STARD9: variants seen among roughly 807,000 people sequenced by gnomAD.
STARD9 encodes StAR related lipid transfer domain containing 9.
In STARD9, 346 loss-of-function variants were observed where a neutral mutation model predicts 399.8. The observed-to-expected ratio is 0.87, with a 90% CI of 0.79 to 0.95. STARD9 has a LOEUF of 0.95. STARD9 is among the 40% of genes least tolerant of loss of function. The pLI, the probability that STARD9 is intolerant of heterozygous loss-of-function variation, is 0.00. For missense variants in STARD9, 5,832 were observed against 5,667.5 expected (o/e 1.03, Z -0.93); for synonymous variants, 2,203 against 2,143.5 (o/e 1.03, Z -0.77).
rs1307284731 is a variant in STARD9, at chr15:42,666,783, A to G, written c.1317+935A>G. ...GGACAAGACATTTTGGAAAAGTAGA[A>G]TAAATGGTGATTCCCAGAGACATTT... On this transcript the variant is annotated intron_variant, in intron 15 of 32. Transcript: ENST00000290607. Among the ~76,000 whole-genome samples, 8 of 152,266 alleles carry G rather than the reference A, an allele frequency of 5.3e-5. 1 individual carries two copies. In the South Asian group the frequency reaches 1.0e-3, roughly 20 times the overall value.
Position 42,695,238 on chromosome 15 carries a change from T to A in STARD9, c.13061T>A (p.Ile4354Asn), listed in dbSNP as rs1168623951. 3 of 1,537,014 alleles carry A rather than the reference T, an allele frequency of 2.0e-6. No homozygotes were observed. In the African/African-American group the frequency reaches 4.1e-5, roughly 21 times the overall value. The change falls in exon 25 of 33, where the codon ATT becomes AAT. Residue 4354 changes from isoleucine to asparagine, a missense_variant. Physicochemically the swap from Ile to Asn is moderately radical, Grantham distance 149. Around this residue, in one of 2 missense-constraint regions of STARD9, gnomAD observed 5,828 missense variants for 5,651.1 expected, o/e 1.03. Transcript: ENST00000290607. The part of the protein sequence containing the change: ...QQAHEEAKVE[I>N]ARARDQLRER... ...GCCCATGAGGAGGCCAAGGTGGAGA[T>A]TGCCCGGGCCCGAGACCAACTGCGG... is the stretch of plus-strand genomic sequence containing the variant.
At chr15:42,666,175 A>C (rs866715681) in intron 15 of STARD9, among the ~76,000 whole-genome samples, 2 of 152,212 alleles carry the variant, frequency 1.3e-5, no homozygotes, top group African/African-American at 4.8e-5. Context: ...GCTCAGCATG[A>C]TGCTGCAAGA....
intron 3 of STARD9, among the ~76,000 whole-genome samples, chr15:42,602,550 G>T (rs969214963): frequency 2.6e-5 from 4 of 152,210 alleles, no homozygotes; most frequent in Non-Finnish European, 4.4e-5. Flanking sequence ...GAATCTCCTT[G>T]GGTGCAAATA....
rs371559612 is a variant in STARD9, at chr15:42,708,501, G to C, written c.13285-8176G>C. ...TCTAGCTCCCCACAGAAAAAGTTTT[G>C]CCAGCCTTTGGTTTAGATATTTCAT... On this transcript the variant is annotated intron_variant, in intron 26 of 32. Coordinates refer to ENST00000290607, the MANE Select transcript of STARD9 (RefSeq NM_020759.3). 3.9e-5 allele frequency among the ~76,000 whole-genome samples: 6 copies of C among 152,236 alleles called. No homozygotes were observed. The East Asian group carries it at 1.2e-3, about 29-fold the overall frequency.
intron 26 of STARD9, among the ~76,000 whole-genome samples, chr15:42,699,434 G>GC (rs1280797237): frequency 1.9e-4 from 24 of 124,408 alleles, no homozygotes; most frequent in Admixed American, 1.6e-3. Context: ...TTGCTCTGTC[G>GC]CCAGGCTGGA....
At chr15:42,651,137 G>A in intron 8 of STARD9, 52 bp downstream of exon 8, 1 of 1,309,134 alleles carries the variant, frequency 7.6e-7, no homozygotes, top group South Asian at 1.3e-5. Context: ...CTCCTATCCT[G>A]TGTTCCCATT....
intron 7 of STARD9, among the ~76,000 whole-genome samples, chr15:42,643,496 C>T (rs760570332): frequency 1.6e-4 from 24 of 150,956 alleles, no homozygotes; most frequent in Non-Finnish European, 3.2e-4. Flanking sequence ...GTGCCCGGCC[C>T]CTCGTTCTTT....
chr15:42,580,085 TAC>T (rs1158765412), intron 1 of STARD9, among the ~76,000 whole-genome samples: 2 of 152,174 alleles, frequency 1.3e-5, no homozygotes, highest in Non-Finnish European at 2.9e-5. Context: ...TCTTCTGATG[TAC>T]AGAGTTAAAA....
At chr15:42,650,697 A>G (rs148382999) in intron 7 of STARD9, among the ~76,000 whole-genome samples, 1,813 of 152,312 alleles carry the variant, frequency 0.012, 136 homozygotes, top group Admixed American at 0.11. Context: ...TGTGAGGGCC[A>G]AATGAGAACA....
At chr15:42,669,616 TC>T (rs1379841882) in intron 16 of STARD9, 6 of 298,388 alleles carry the variant, frequency 2.0e-5, no homozygotes, top group African/African-American at 1.0e-4. Flanking sequence ...TGCCTTAATT[TC>T]CTCATTTTAA....
At chr15:42,641,706 G>A (rs1413426520) in intron 7 of STARD9, among the ~76,000 whole-genome samples, 2 of 151,926 alleles carry the variant, frequency 1.3e-5, no homozygotes, top group Non-Finnish European at 2.9e-5. Flanking sequence ...CCAGGTTCAA[G>A]CGATTCTCCT....
Position 42,665,237 on chromosome 15 carries a change from G to C in STARD9, c.1177-16G>C, listed in dbSNP as rs1443783562. On this transcript the variant is annotated splice_polypyrimidine_tract_variant and intron_variant, in intron 13 of 32. Transcript: ENST00000290607. ...CTTGATAACAATCAGTGGTGATGGA[G>C]TTCTCTGTGTTTCAGGATGCAAACT... is the stretch of plus-strand genomic sequence containing the variant. 4 of 1,533,238 alleles carry C rather than the reference G, an allele frequency of 2.6e-6. No homozygotes were observed. In the Admixed American group the frequency reaches 5.9e-5, roughly 23 times the overall value. The allele number at this position is 1,533,238 out of a possible 1,614,324, so 95.0% of individuals were successfully genotyped here.
chr15:42,702,215 G>GT (rs1238778601), intron 26 of STARD9, among the ~76,000 whole-genome samples: 1 of 151,938 alleles, frequency 6.6e-6, no homozygotes, highest in Non-Finnish European at 1.5e-5. Flanking sequence ...TTGTTTGTTT[G>GT]TTTTTTTAGT....
intron 22 of STARD9, among the ~76,000 whole-genome samples, chr15:42,683,013 C>T (rs2140214359): frequency 6.6e-6 from 1 of 152,364 alleles, no homozygotes; most frequent in East Asian, 1.9e-4. Flanking sequence ...CCACCTCCCA[C>T]CTGGTGACTG....
Position 42,692,825 on chromosome 15 carries a change from T to A in STARD9, c.11247T>A (p.Thr3749=), listed in dbSNP as rs1416703079. ...CCTTACCCACCCTGTGCCTCCAGAC[T>A]TCAGAGGCTGAACCTCAGGGAGCCA... is the stretch of plus-strand genomic sequence containing the variant. ...DLTLPTLCLQ[T]SEAEPQGANV... is the part of the protein sequence containing the mutation. The change falls in exon 23 of 33, where the codon ACT becomes ACA. Residue 3749 remains threonine (T), a synonymous_variant. Transcript: ENST00000290607. 6 of 1,537,016 alleles carry A rather than the reference T, an allele frequency of 3.9e-6. No homozygotes were observed. In the Admixed American group the frequency reaches 1.2e-4, roughly 30 times the overall value.
At chr15:42,709,375 G>T (rs1042813763) in intron 26 of STARD9, among the ~76,000 whole-genome samples, 2 of 152,126 alleles carry the variant, frequency 1.3e-5, no homozygotes, top group African/African-American at 2.4e-5. Flanking sequence ...TGGACAGAGG[G>T]AGACCCTGTC....
rs1273920721 is a variant in STARD9, at chr15:42,687,330, G to C, written c.5752G>C (p.Glu1918Gln). 21 of 1,536,584 alleles carry C rather than the reference G, an allele frequency of 1.4e-5. No homozygotes were observed. Among genetic ancestry groups the C allele is most frequent in the Non-Finnish European group, 1.7e-5 (19 of 1,146,874 alleles). ...CTTTCGTGAATCTGAGGCACGAGAG[G>C]AAGAAGAGCTGGATCAGAATACGGT... ...LLFRESEARE[E>Q]EELDQNTVLR... is the part of the protein sequence containing the mutation. Residue 1918 changes from glutamate (E) to glutamine (Q), a missense_variant, in exon 23 of 33, where the codon GAA becomes CAA. By Grantham distance (29) the Glu-to-Gln change is conservative (BLOSUM62 2). Transcript: ENST00000290607.
intron 26 of STARD9, among the ~76,000 whole-genome samples, chr15:42,698,808 A>G (rs2060899168): frequency 2.0e-5 from 3 of 151,972 alleles, no homozygotes; most frequent in Non-Finnish European, 4.4e-5. Context: ...TCATTTTCAT[A>G]TGAGGTATGG....
rs1297027280 is a variant in STARD9 at position 42,695,256 on chromosome 15, A to G, written c.13079A>G (p.Gln4360Arg). ...AKVEIARARD[Q>R]LRERTEQEKL... The stretch of plus-strand genomic sequence containing the variant: ...GTGGAGATTGCCCGGGCCCGAGACC[A>G]ACTGCGGGAGCGGACTGAACAAGAG... The change falls in exon 25 of 33, where the codon CAA (glutamine) becomes CGA (arginine). Residue 4360 changes from glutamine (Q) to arginine (R), a missense_variant. Transcript: ENST00000290607. 1.3e-6 allele frequency: 2 copies of G among 1,537,194 alleles called. No homozygotes were observed. The highest frequency in any genetic ancestry group is 2.0e-5 in the Admixed American group (1 of 51,002).
Sources: gnomAD v4.1 joint callset for allele counts (sites outside exome capture counted in the v4.1 genomes callset) on GRCh38, gnomAD v4.1.1 for gene constraint, gnomAD v4.1.1 regional missense constraint, MANE v1.5 for transcripts, NCBI Gene and HGNC (gene_info 2026-07-23, HGNC 2026-07-21) for gene names.